The following CDK3 variants were observed in gnomAD, a reference collection of about 807,000 sequenced individuals.
CDK3 encodes cyclin dependent kinase 3.
Under a neutral mutation model 30.2 loss-of-function variants are expected in CDK3, and 24 were observed. The ratio of observed to expected loss-of-function variants is 0.79; its 90% confidence interval spans 0.57 to 1.12. The LOEUF is 1.12. Ranked by LOEUF, CDK3 falls within the 50% of genes most tolerant of loss-of-function variation. The probability of loss-of-function intolerance (pLI) is 0.00; values close to 1 mark genes in which losing one functional copy is unlikely to be tolerated. For synonymous variants in CDK3, 158 were observed against 154.2 expected, an observed-to-expected ratio of 1.02 and a Z score of -0.18; for missense variants, 345 against 376.0, an observed-to-expected ratio of 0.92 and a Z score of 0.68.
rs2066270177 is a variant in CDK3 at position 76,002,486 on chromosome 17, G to A, written c.487-25G>A. On this transcript the variant is annotated intron_variant, in intron 5 of 7. Coordinates refer to ENST00000448471, the MANE Select transcript of CDK3 (RefSeq NM_001258.4). The surrounding 1 kb of genome is among the most constrained non-coding windows in gnomAD (Gnocchi z 4.3). ...TCACCCATGCACTCAGCCACCCTGA[G>A]TGATACTGTTTCTTTGCCCTGCAGG... is the stretch of plus-strand genomic sequence containing the variant. 5 of 1,562,974 alleles carry A rather than the reference G, an allele frequency of 3.2e-6. No individual in the cohort carries two copies. The highest frequency in any genetic ancestry group is 4.4e-6 in the Non-Finnish European group (5 of 1,133,840).
At position 76,005,108 on chromosome 17, in the gene CDK3, C is replaced by T. The variant is rs2069537; in HGVS notation, c.793-190C>T. Reference sequence around the variant, plus strand: ...GTGGCCTGAGGAGACCTGGGTGACTCGTTAGGACTGTCCAGATTCCAGGAG... The same window carrying T: ...GTGGCCTGAGGAGACCTGGGTGACTTGTTAGGACTGTCCAGATTCCAGGAG... On this transcript the variant is annotated intron_variant, in intron 7 of 7. Coordinates refer to ENST00000448471, the MANE Select transcript of CDK3 (RefSeq NM_001258.4). This position sits in a 1 kb window ranked among gnomAD's most constrained non-coding sequence, Gnocchi z 4.7. 5.5e-3 allele frequency among the ~76,000 whole-genome samples: 833 copies of T among 152,166 alleles called. 9 individuals carry two copies. The highest frequency in any genetic ancestry group is 5.1e-3 in the Non-Finnish European group (348 of 68,000).
Position 76,001,184 on chromosome 17 carries a change from G to GC in CDK3, c.-15+222dup. On this transcript the variant is annotated intron_variant, in intron 1 of 7. Transcript: ENST00000448471. This position sits in a 1 kb window ranked among gnomAD's most constrained non-coding sequence, Gnocchi z 6.2. ...GGCTGAACTGGGCTGGGTGAAGGGG[G>GC]CCCCCTGACCCCCTTGGGGTCCGGG... The GC allele has an allele frequency of 1.5e-6, 2 of 1,363,104 alleles. No individual in the cohort carries two copies. Among genetic ancestry groups the GC allele is most frequent in the South Asian group, 1.5e-5 (1 of 66,350 alleles). The allele number at this position is 1,363,104 out of a possible 1,614,324, so 84.4% of individuals were successfully genotyped here.
rs768334124 is a variant in CDK3 at position 76,003,220 on chromosome 17, G to C, written c.614G>C (p.Gly205Ala). The change falls in exon 7 of 8, where the codon GGT becomes GCT. Residue 205 changes from glycine to alanine, a missense_variant. Physicochemically the swap from Gly to Ala is moderately conservative, Grantham distance 60 (BLOSUM62 0). Transcript: ENST00000448471. ...EMVTRKALFP[G>A]DSEIDQLFRI... ...GTGACTCGAAAAGCCCTGTTTCCTG[G>C]TGACTCTGAGATTGACCAGCTCTTT... 1 of 1,614,184 alleles carries C rather than the reference G, an allele frequency of 6.2e-7. No individual in the cohort carries two copies. Among genetic ancestry groups the C allele is most frequent in the Non-Finnish European group, 8.5e-7 (1 of 1,180,040 alleles).
In CDK3 at chr17:76,001,660, C is replaced by A; in HGVS notation, c.116+119C>A. ...AACTCCTCTGGGTGCTGCCCAGCAGCCCTTACCTGTCCTCTCCCCAGTTCA... is the reference window on the plus strand; with the variant it reads ...AACTCCTCTGGGTGCTGCCCAGCAGACCTTACCTGTCCTCTCCCCAGTTCA... On this transcript the variant is annotated intron_variant, in intron 2 of 7. Coordinates refer to ENST00000448471, the MANE Select transcript of CDK3 (RefSeq NM_001258.4). The surrounding 1 kb of genome is among the most constrained non-coding windows in gnomAD (Gnocchi z 6.2). 1.1e-6 allele frequency: 1 copy of A among 945,564 alleles called. No homozygotes were observed. Among genetic ancestry groups the A allele is most frequent in the Non-Finnish European group, 1.6e-6 (1 of 623,322 alleles). The allele number at this position is 945,564 out of a possible 1,614,324, so 58.6% of individuals were successfully genotyped here. A position where few individuals can be genotyped will look rare whatever the true frequency, so the allele number is the denominator to read the frequency against.
Position 76,002,532 on chromosome 17 carries a change from G to T in CDK3, c.508G>T (p.Ala170Ser), listed in dbSNP as rs761700729. 3.3e-6 allele frequency: 4 copies of T among 1,207,506 alleles called. No individual in the cohort carries two copies. In the Admixed American group the frequency reaches 6.7e-5, roughly 20 times the overall value. 74.8% of individuals were successfully genotyped at this position (1,207,506 alleles called of 1,614,324 possible). ...THEVVTLWYR[A>S]PEILLGSKFY... Reference sequence around the variant, plus strand: ...GCAGGTGGTGACACTGTGGTATCGCGCCCCCGAGATTCTCTTGGGCAGCAA... The same window carrying T: ...GCAGGTGGTGACACTGTGGTATCGCTCCCCCGAGATTCTCTTGGGCAGCAA... Residue 170 changes from alanine to serine, a missense_variant, in exon 6 of 8, where the codon GCC becomes TCC. Transcript: ENST00000448471. The surrounding 1 kb of genome is among the most constrained non-coding windows in gnomAD (Gnocchi z 4.3).
intron 6 of CDK3, 61 bp from the exon 7 acceptor site, chr17:76,003,134 G>C: frequency 7.2e-7 from 1 of 1,393,716 alleles, no homozygotes; most frequent in South Asian, 1.2e-5. Context: ...CCACTTATCT[G>C]GTATTGGATT....
At position 76,003,240 on chromosome 17, in the gene CDK3, CTCTTTCGTA is replaced by C. The variant is rs1489562228; in HGVS notation, c.645_653del (p.Ile215_Arg217del). 2.5e-6 allele frequency: 4 copies of C among 1,614,090 alleles called. No homozygotes were observed. Among genetic ancestry groups the C allele is most frequent in the African/African-American group, 2.7e-5 (2 of 74,926 alleles). ...TCCTGGTGACTCTGAGATTGACCAG[CTCTTTCGTA>C]TCTTTCGTATGCTGGGGACACCCAG... On this transcript the variant is annotated inframe_deletion, in exon 7 of 8. Coordinates refer to ENST00000448471, the MANE Select transcript of CDK3 (RefSeq NM_001258.4).
chr17:76,005,179 T>C lies in CDK3; in HGVS notation c.793-119T>C, dbSNP rs894416684. On this transcript the variant is annotated intron_variant, in intron 7 of 7. Transcript: ENST00000448471. The surrounding 1 kb of genome is among the most constrained non-coding windows in gnomAD (Gnocchi z 4.7). The stretch of plus-strand genomic sequence containing the variant: ...GCTGGGAGGTCATGGCTTCATGCGG[T>C]TCTGGGTTTGAGGGCAGCCAATTTG... 3.2e-6 allele frequency: 4 copies of C among 1,265,550 alleles called. No homozygotes were observed. Among genetic ancestry groups the C allele is most frequent in the Non-Finnish European group, 4.3e-6 (4 of 923,160 alleles). 78.4% of individuals were successfully genotyped at this position (1,265,550 alleles called of 1,614,324 possible). A position where few individuals can be genotyped will look rare whatever the true frequency, so the allele number is the denominator to read the frequency against.
At chr17:76,003,640 C>T (rs1048549333) in intron 7 of CDK3, among the ~76,000 whole-genome samples, 6 of 152,364 alleles carry the variant, frequency 3.9e-5, no homozygotes, top group African/African-American at 9.6e-5. Context: ...CTGTGCTACA[C>T]GCCCTTTTTC....
Position 76,001,675 on chromosome 17 carries a change from TC to T in CDK3, c.116+138del. 1.1e-6 allele frequency: 1 copy of T among 889,558 alleles called. No homozygotes were observed. The highest frequency in any genetic ancestry group is 1.7e-6 in the Non-Finnish European group (1 of 581,160). 55.1% of individuals were successfully genotyped at this position (889,558 alleles called of 1,614,324 possible). A position where few individuals can be genotyped will look rare whatever the true frequency, so the allele number is the denominator to read the frequency against. On this transcript the variant is annotated intron_variant, in intron 2 of 7. Transcript: ENST00000448471. This position sits in a 1 kb window ranked among gnomAD's most constrained non-coding sequence, Gnocchi z 6.2. Reference sequence around the variant, plus strand: ...TGCCCAGCAGCCCTTACCTGTCCTCTCCCCAGTTCACTGCCTTCTGACCAGC... The same window carrying T: ...TGCCCAGCAGCCCTTACCTGTCCTCTCCCAGTTCACTGCCTTCTGACCAGC...
At position 76,001,253 on chromosome 17, in the gene CDK3, C is replaced by A; in HGVS notation, c.-14-159C>A. 1 of 1,481,966 alleles carries A rather than the reference C, an allele frequency of 6.7e-7. No individual in the cohort carries two copies. The allele number at this position is 1,481,966 out of a possible 1,614,324, so 91.8% of individuals were successfully genotyped here. On this transcript the variant is annotated intron_variant, in intron 1 of 7. Coordinates refer to ENST00000448471, the MANE Select transcript of CDK3 (RefSeq NM_001258.4). This position sits in a 1 kb window ranked among gnomAD's most constrained non-coding sequence, Gnocchi z 6.2. Reference sequence around the variant, plus strand: ...GGTTTCCGACCCCCAGCCAGGTTCCCAGGCAGGATGAGCTGGGGTTGGGGT... The same window carrying A: ...GGTTTCCGACCCCCAGCCAGGTTCCAAGGCAGGATGAGCTGGGGTTGGGGT...
At chr17:76,004,871 C>T (rs1445883869) in intron 7 of CDK3, among the ~76,000 whole-genome samples, 3 of 152,188 alleles carry the variant, frequency 2.0e-5, no homozygotes, top group Non-Finnish European at 4.4e-5. Context: ...CACAGGGGGT[C>T]CTTCCACATC....
Position 76,001,860 on chromosome 17 carries a change from C to G in CDK3, c.117-14C>G. On this transcript the variant is annotated splice_polypyrimidine_tract_variant and intron_variant, in intron 2 of 7. Coordinates refer to ENST00000448471, the MANE Select transcript of CDK3 (RefSeq NM_001258.4). The surrounding 1 kb of genome is among the most constrained non-coding windows in gnomAD (Gnocchi z 6.2). Reference sequence around the variant, plus strand: ...CCAAGTCTCTGCCCACGGCTGTGCCCTTGTTTCTTGCAGGGAGATGGAGGG... The same window carrying G: ...CCAAGTCTCTGCCCACGGCTGTGCCGTTGTTTCTTGCAGGGAGATGGAGGG... 3 of 1,611,326 alleles carry G rather than the reference C, an allele frequency of 1.9e-6. No homozygotes were observed. The South Asian group carries it at 3.3e-5, about 18-fold the overall frequency.
rs1345096405 is a variant in CDK3, at chr17:76,001,157, C to G, written c.-15+190C>G. The G allele has an allele frequency of 1.5e-6, 2 of 1,312,180 alleles. No homozygotes were observed. The highest frequency in any genetic ancestry group is 2.0e-6 in the Non-Finnish European group (2 of 1,023,068). 81.3% of individuals were successfully genotyped at this position (1,312,180 alleles called of 1,614,324 possible). A position where few individuals can be genotyped will look rare whatever the true frequency, so the allele number is the denominator to read the frequency against. The stretch of plus-strand genomic sequence containing the variant: ...GGCATGGGCGAGAAGCCTGGGGGTC[C>G]TGGCTGAACTGGGCTGGGTGAAGGG... On this transcript the variant is annotated intron_variant, in intron 1 of 7. Coordinates refer to ENST00000448471, the MANE Select transcript of CDK3 (RefSeq NM_001258.4). This position sits in a 1 kb window ranked among gnomAD's most constrained non-coding sequence, Gnocchi z 6.2.
rs1176827643 is a variant in CDK3, at chr17:76,005,737, C to G, written c.*314C>G. ...TGGGTGTGGGTATTCAGGCCCTCAC[C>G]TGCCCTGCCTGCAGGGCCAGACCCT... is the stretch of plus-strand genomic sequence containing the variant. On this transcript the variant is annotated 3_prime_UTR_variant, in exon 8 of 8. Coordinates refer to ENST00000448471, the MANE Select transcript of CDK3 (RefSeq NM_001258.4). The surrounding 1 kb of genome is among the most constrained non-coding windows in gnomAD (Gnocchi z 4.7). The G allele has an allele frequency of 3.6e-6, 1 of 279,464 alleles. No individual in the cohort carries two copies. The highest frequency in any genetic ancestry group is 2.2e-5 in the African/African-American group (1 of 45,526). The allele number at this position is 279,464 out of a possible 1,614,324, so 17.3% of individuals were successfully genotyped here.
In CDK3 at chr17:76,001,257, C is replaced by A. The variant is rs931669050; in HGVS notation, c.-14-155C>A. ...TCCGACCCCCAGCCAGGTTCCCAGG[C>A]AGGATGAGCTGGGGTTGGGGTGGCT... On this transcript the variant is annotated intron_variant, in intron 1 of 7. Transcript: ENST00000448471. The surrounding 1 kb of genome is among the most constrained non-coding windows in gnomAD (Gnocchi z 6.2). 3.0e-5 allele frequency: 44 copies of A among 1,485,256 alleles called. No homozygotes were observed. Among genetic ancestry groups the A allele is most frequent in the Non-Finnish European group, 3.9e-5 (44 of 1,119,736 alleles). 92.0% of individuals were successfully genotyped at this position (1,485,256 alleles called of 1,614,324 possible).
Position 76,002,167 on chromosome 17 carries a change from A to G in CDK3, c.315+25A>G. On this transcript the variant is annotated intron_variant, in intron 4 of 7. Coordinates refer to ENST00000448471, the MANE Select transcript of CDK3 (RefSeq NM_001258.4). This position sits in a 1 kb window ranked among gnomAD's most constrained non-coding sequence, Gnocchi z 4.3. ...GGTAGGGAAGGAAGGGCAGGGAAGG[A>G]GAGGTGACACCCCATCCCTGCCATC... is the stretch of plus-strand genomic sequence containing the variant. The G allele has an allele frequency of 6.2e-7, 1 of 1,613,380 alleles. No individual in the cohort carries two copies. The highest frequency in any genetic ancestry group is 8.5e-7 in the Non-Finnish European group (1 of 1,179,710).
At position 76,002,543 on chromosome 17, in the gene CDK3, T is replaced by G. The variant is rs376616847; in HGVS notation, c.519T>G (p.Ile173Met). The change falls in exon 6 of 8, where the codon ATT becomes ATG. Residue 173 changes from isoleucine (I) to methionine (M), a missense_variant. By Grantham distance (10) the Ile-to-Met change is conservative. Transcript: ENST00000448471. This position sits in a 1 kb window ranked among gnomAD's most constrained non-coding sequence, Gnocchi z 4.3. The part of the protein sequence containing the change: ...VVTLWYRAPE[I>M]LLGSKFYTTA... ...CACTGTGGTATCGCGCCCCCGAGAT[T>G]CTCTTGGGCAGCAAGTTCTATACCA... 8.3e-6 allele frequency: 9 copies of G among 1,090,524 alleles called. No homozygotes were observed. In the African/African-American group the frequency reaches 1.4e-4, roughly 17 times the overall value. 67.6% of individuals were successfully genotyped at this position (1,090,524 alleles called of 1,614,324 possible). A position where few individuals can be genotyped will look rare whatever the true frequency, so the allele number is the denominator to read the frequency against.
In CDK3 at chr17:76,003,417, C is replaced by T. The variant is rs1567902550; in HGVS notation, c.792+19C>T. 2 of 1,601,978 alleles carry T rather than the reference C, an allele frequency of 1.2e-6. No individual in the cohort carries two copies. The highest frequency in any genetic ancestry group is 1.7e-6 in the Non-Finnish European group (2 of 1,171,048). On this transcript the variant is annotated intron_variant, in intron 7 of 7. Coordinates refer to ENST00000448471, the MANE Select transcript of CDK3 (RefSeq NM_001258.4). ...GCTCATGGTAGGTGCATGTGGGCTC[C>T]AGCTGCTGCTCCGACTACAGTTTCC...
Sources: allele counts gnomAD v4.1 joint callset (sites outside exome capture counted in the v4.1 genomes callset), GRCh38; gene constraint gnomAD v4.1.1; non-coding constraint Gnocchi (gnomAD v3.1); transcripts MANE v1.5; gene names NCBI Gene and HGNC (gene_info 2026-07-23, HGNC 2026-07-21).